Variants in GPC5 observed in about 807,000 individuals in gnomAD.
The protein encoded by GPC5 is glypican-5.
GPC5 carries 47 observed loss-of-function variants against 53.9 expected under a neutral mutation model. The ratio of observed to expected loss-of-function variants is 0.87; its 90% CI spans 0.69 to 1.11. The LOEUF (loss-of-function observed/expected upper bound fraction) is 1.11. GPC5 is among the 50% of genes most tolerant of loss of function. The pLI, the probability that GPC5 is intolerant of heterozygous loss-of-function variation, is 0.00. For missense variants in GPC5, 748 were observed against 713.1 expected, an observed-to-expected ratio of 1.05 and a Z score of -0.56; for synonymous variants, 286 against 263.3, an observed-to-expected ratio of 1.09 and a Z score of -0.84.
At chr13:92,398,880 T>C (rs1380657314) in intron 7 of GPC5, among the ~76,000 whole-genome samples, 1 of 152,172 alleles carries the variant, frequency 6.6e-6, no homozygotes, top group Non-Finnish European at 1.5e-5. Context: ...CAGCTGAATC[T>C]ACTGCTATAA....
intron 2 of GPC5, among the ~76,000 whole-genome samples, chr13:91,538,708 G>A (rs1265008696): frequency 2.7e-5 from 4 of 149,864 alleles, no homozygotes; most frequent in Admixed American, 1.3e-4. Flanking sequence ...TCAGCCTCCT[G>A]AGTAGCTGGG....
In GPC5 at chr13:91,406,946, C is replaced by T. The variant is rs1285465970; in HGVS notation, c.163+7737C>T. On this transcript the variant is annotated intron_variant, in intron 1 of 7. Coordinates refer to ENST00000377067, the MANE Select transcript of GPC5 (RefSeq NM_004466.6). ...TTATTTCTAATGGAAGGTAGGGACT[C>T]AAAGTAGCAATACTGATTTTAAATA... Among the ~76,000 whole-genome samples the T allele has an allele frequency of 2.6e-5, 4 of 152,302 alleles. No homozygotes were observed. In the South Asian group the frequency reaches 6.2e-4, roughly 24 times the overall value.
chr13:92,237,459 C>T (rs1449559412), intron 7 of GPC5, among the ~76,000 whole-genome samples: 3 of 152,102 alleles, frequency 2.0e-5, no homozygotes, highest in Admixed American at 6.5e-5. Flanking sequence ...ACCTCATGAT[C>T]TGCCTGCCTT....
intron 7 of GPC5, among the ~76,000 whole-genome samples, chr13:92,614,580 G>A (rs74107076): frequency 0.035 from 5,403 of 152,226 alleles, 162 homozygotes; most frequent in Admixed American, 0.1. Flanking sequence ...CTGCTTTTGG[G>A]CAGAGAAAAC....
intron 7 of GPC5, among the ~76,000 whole-genome samples, chr13:92,273,838 A>G (rs572952738): frequency 6.6e-6 from 1 of 152,224 alleles, no homozygotes; most frequent in African/African-American, 2.4e-5. Context: ...AGATGAAGAG[A>G]AAGATGTTGT....
intron 6 of GPC5, among the ~76,000 whole-genome samples, chr13:92,030,512 C>T (rs773434266): frequency 1.4e-4 from 21 of 152,162 alleles, no homozygotes; most frequent in Middle Eastern, 3.2e-3. Context: ...TCATTTCTCC[C>T]CAAAGTTCCT....
intron 6 of GPC5, among the ~76,000 whole-genome samples, chr13:92,102,088 T>A (rs138111161): frequency 2.0e-5 from 3 of 152,182 alleles, no homozygotes; most frequent in Non-Finnish European, 4.4e-5. Context: ...ATGATTGATA[T>A]CATATAAATA....
intron 7 of GPC5, among the ~76,000 whole-genome samples, chr13:92,403,532 T>A (rs533141895): frequency 6.6e-6 from 1 of 152,316 alleles, no homozygotes; most frequent in East Asian, 1.9e-4. Context: ...GGCTGCATGT[T>A]CCTTATGAGA....
At chr13:91,527,956 C>T (rs942151220) in intron 2 of GPC5, among the ~76,000 whole-genome samples, 1 of 152,156 alleles carries the variant, frequency 6.6e-6, no homozygotes, top group African/African-American at 2.4e-5. Context: ...AGCACTGAGG[C>T]CCTGGGCCTG....
intron 6 of GPC5, among the ~76,000 whole-genome samples, chr13:91,974,694 C>T (rs2040280571): frequency 2.0e-5 from 3 of 152,094 alleles, no homozygotes; most frequent in African/African-American, 7.2e-5. Flanking sequence ...GCCATACTAC[C>T]CAAGGTAATT....
chr13:92,751,302 TTAAAAAAAAAAAAAA>T (rs1425275653), intron 7 of GPC5, among the ~76,000 whole-genome samples: 11 of 34,398 alleles, frequency 3.2e-4, no homozygotes, highest in Admixed American at 1.2e-3. Flanking sequence ...CCAGAAACAT[TTAAAAAAAAAAAAAA>T]AAAAAAAAAA....
intron 2 of GPC5, among the ~76,000 whole-genome samples, chr13:91,455,882 T>C (rs993174684): frequency 1.3e-5 from 2 of 152,100 alleles, no homozygotes; most frequent in South Asian, 2.1e-4. Flanking sequence ...ATGTGTAAAA[T>C]AACTTTTATG....
intron 2 of GPC5, among the ~76,000 whole-genome samples, chr13:91,569,556 G>A (rs749141531): frequency 6.6e-6 from 1 of 152,100 alleles, no homozygotes; most frequent in African/African-American, 2.4e-5. Context: ...AACCCCCAAT[G>A]AGAATGCATG....
chr13:92,202,465 A>G (rs1229369496), intron 7 of GPC5, among the ~76,000 whole-genome samples: 2 of 152,248 alleles, frequency 1.3e-5, no homozygotes, highest in Non-Finnish European at 2.9e-5. Context: ...GACTACGGTT[A>G]TAATTCAAAA....
rs557560648 is a variant in GPC5, at chr13:92,307,325, G to A, written c.1561+162336G>A. 1.6e-4 allele frequency among the ~76,000 whole-genome samples: 24 copies of A among 152,256 alleles called. No homozygotes were observed. In the South Asian group the frequency reaches 4.8e-3, roughly 30 times the overall value. Reference sequence around the variant, plus strand: ...AAAAATTAGCTGGGCATGGTAGCAGGCGTCTGTAATCCCAGCTACTCGGGA... The same window carrying A: ...AAAAATTAGCTGGGCATGGTAGCAGACGTCTGTAATCCCAGCTACTCGGGA... On this transcript the variant is annotated intron_variant, in intron 7 of 7. Coordinates refer to ENST00000377067, the MANE Select transcript of GPC5 (RefSeq NM_004466.6).
At chr13:92,309,138 C>T (rs2139207526) in intron 7 of GPC5, among the ~76,000 whole-genome samples, 1 of 152,080 alleles carries the variant, frequency 6.6e-6, no homozygotes, top group Middle Eastern at 3.4e-3. Context: ...CTATTGTGCA[C>T]ATTGTGTTAG....
rs528112273 is a variant in GPC5, at chr13:92,529,796, A to C, written c.1562-336486A>C. On this transcript the variant is annotated intron_variant, in intron 7 of 7. Transcript: ENST00000377067. The stretch of plus-strand genomic sequence containing the variant: ...GCACTAAAATTAACAACACGTTATA[A>C]ATATGGCTGGGCATGATGGCTCTCA... Among the ~76,000 whole-genome samples the C allele has an allele frequency of 5.3e-5, 8 of 152,318 alleles. No homozygotes were observed. The South Asian group carries it at 1.7e-3, about 32-fold the overall frequency.
At chr13:92,343,047 C>G (rs2043380370) in intron 7 of GPC5, among the ~76,000 whole-genome samples, 1 of 152,146 alleles carries the variant, frequency 6.6e-6, no homozygotes, top group Admixed American at 6.6e-5. Context: ...ATAGATAATA[C>G]ATGAAACTAT....
chr13:91,740,971 G>A (rs1484399845), intron 4 of GPC5, among the ~76,000 whole-genome samples: 1 of 152,166 alleles, frequency 6.6e-6, no homozygotes, highest in Non-Finnish European at 1.5e-5. Context: ...TTAAGATGGA[G>A]TCTCAACACC....
Sources: allele counts gnomAD v4.1 joint callset (sites outside exome capture counted in the v4.1 genomes callset), GRCh38; gene constraint gnomAD v4.1.1; transcripts MANE v1.5; gene names NCBI Gene and HGNC (gene_info 2026-07-23, HGNC 2026-07-21).